The following KCNH7 variants were observed in gnomAD, a reference collection of about 807,000 sequenced individuals.
KCNH7 encodes the protein potassium voltage-gated channel subfamily H member 7, also known as voltage-gated inwardly rectifying potassium channel KCNH7.
Under a neutral mutation model 120.8 loss-of-function variants are expected in KCNH7, and 49 were observed. That is an observed-to-expected ratio of 0.41 (90% CI 0.32 to 0.51). KCNH7 has a LOEUF of 0.51. KCNH7 is among the 20% of genes least tolerant of loss of function. The pLI is 0.38. For synonymous variants in KCNH7, 547 were observed against 516.1 expected, an observed-to-expected ratio of 1.06 and a Z score of -0.81; for missense variants, 1,097 against 1,446.6, an observed-to-expected ratio of 0.76 and a Z score of 3.92.
chr2:162,430,871 A>G (rs1357420903), intron 8 of KCNH7, among the ~76,000 whole-genome samples: 1 of 151,732 alleles, frequency 6.6e-6, no homozygotes, highest in African/African-American at 2.4e-5. Context: ...TTAAATATAT[A>G]CATGTTATTT....
intron 4 of KCNH7, among the ~76,000 whole-genome samples, chr2:162,513,274 C>A (rs1350040566): frequency 7.0e-6 from 1 of 143,638 alleles, no homozygotes; most frequent in Non-Finnish European, 1.5e-5. Context: ...TCCTTCCCTC[C>A]TTCCCTCCTT....
chr2:162,667,620 T>G (rs1373150219), intron 2 of KCNH7, among the ~76,000 whole-genome samples: 1 of 152,178 alleles, frequency 6.6e-6, no homozygotes, highest in Non-Finnish European at 1.5e-5. Flanking sequence ...GGAATACCCT[T>G]CCCCTTTGAA....
At chr2:162,437,276 A>G (rs1228383431) in intron 7 of KCNH7, among the ~76,000 whole-genome samples, 1 of 152,054 alleles carries the variant, frequency 6.6e-6, no homozygotes, top group Non-Finnish European at 1.5e-5. Context: ...GTTGACATGT[A>G]TTTATCATAA....
intron 2 of KCNH7, among the ~76,000 whole-genome samples, chr2:162,570,085 T>C (rs953932473): frequency 2.0e-5 from 3 of 146,366 alleles, no homozygotes; most frequent in African/African-American, 7.7e-5. Flanking sequence ...TGGGTAACCT[T>C]GTTGACTTTC....
rs146550823 is a variant in KCNH7 at position 162,521,668 on chromosome 2, G to C, written c.464-3510C>G. On this transcript the variant is annotated intron_variant, in intron 3 of 15. Transcript: ENST00000332142. Reference sequence around the variant, plus strand: ...ATTTATGAAGTGCATGTGATATTTTGATGCAAGAATACATTGTGTAATGAT... The same window carrying C: ...ATTTATGAAGTGCATGTGATATTTTCATGCAAGAATACATTGTGTAATGAT... Among the ~76,000 whole-genome samples, 795 of 151,920 alleles carry C rather than the reference G, an allele frequency of 5.2e-3. 12 individuals carry two copies. Among genetic ancestry groups the C allele is most frequent in the African/African-American group, 0.018 (752 of 41,500 alleles).
chr2:162,735,027 G>C (rs542883036), intron 2 of KCNH7, among the ~76,000 whole-genome samples: 1 of 152,194 alleles, frequency 6.6e-6, no homozygotes, highest in South Asian at 2.1e-4. Flanking sequence ...CTTCCTCCCT[G>C]GGACACGACA....
intron 2 of KCNH7, among the ~76,000 whole-genome samples, chr2:162,546,292 T>C (rs1692474745): frequency 6.6e-6 from 1 of 152,198 alleles, no homozygotes; most frequent in South Asian, 2.1e-4. Context: ...TTTGGGCACA[T>C]TTGTGACAAT....
intron 8 of KCNH7, among the ~76,000 whole-genome samples, chr2:162,424,759 G>T (rs548622036): frequency 1.3e-5 from 2 of 152,218 alleles, no homozygotes; most frequent in South Asian, 4.1e-4. Context: ...GTCATGATTG[G>T]TTATCAAGAT....
intron 2 of KCNH7, among the ~76,000 whole-genome samples, chr2:162,573,636 G>A (rs752998298): frequency 5.9e-5 from 9 of 151,656 alleles, no homozygotes; most frequent in South Asian, 4.2e-4. Flanking sequence ...AAAGTATTTC[G>A]GCCACCTTTT....
intron 2 of KCNH7, among the ~76,000 whole-genome samples, chr2:162,578,544 G>C (rs1005747189): frequency 6.6e-6 from 1 of 151,992 alleles, no homozygotes; most frequent in Non-Finnish European, 1.5e-5. Flanking sequence ...GGGCAGATGA[G>C]GGTAGAGCAT....
intron 2 of KCNH7, among the ~76,000 whole-genome samples, chr2:162,751,152 T>C (rs1472365439): frequency 6.6e-6 from 1 of 152,192 alleles, no homozygotes; most frequent in Admixed American, 6.5e-5. Context: ...TCTTATCTCA[T>C]ATAACATTAT....
chr2:162,476,936 TAGTC>T (rs1689765741), intron 6 of KCNH7, among the ~76,000 whole-genome samples: 5 of 152,300 alleles, frequency 3.3e-5, no homozygotes, highest in Admixed American at 6.5e-5. Flanking sequence ...AAAAATGCAT[TAGTC>T]AGGAGCAGAA....
At chr2:162,756,507 C>T (rs1688794047) in intron 2 of KCNH7, among the ~76,000 whole-genome samples, 2 of 152,144 alleles carry the variant, frequency 1.3e-5, no homozygotes, top group South Asian at 2.1e-4. Flanking sequence ...CATTCTGTCA[C>T]CCAGGTTGCA....
chr2:162,459,993 C>T (rs564922529), intron 6 of KCNH7, among the ~76,000 whole-genome samples: 1 of 148,766 alleles, frequency 6.7e-6, no homozygotes, highest in East Asian at 2.0e-4. Flanking sequence ...ACTTGGAAGG[C>T]TGGGGCAGGA....
chr2:162,807,499 T>C (rs1389703062), intron 2 of KCNH7, among the ~76,000 whole-genome samples: 1 of 151,970 alleles, frequency 6.6e-6, no homozygotes, highest in African/African-American at 2.4e-5. Flanking sequence ...AGGGCTTAAT[T>C]TCAATAGGAA....
At chr2:162,508,512 A>G (rs1283240604) in intron 5 of KCNH7, among the ~76,000 whole-genome samples, 3 of 151,554 alleles carry the variant, frequency 2.0e-5, no homozygotes, top group Non-Finnish European at 4.4e-5. Context: ...CGGATTTTAA[A>G]GCAGATGTTT....
In KCNH7 at chr2:162,456,877, C is replaced by G. The variant is rs543833965; in HGVS notation, c.1129-10434G>C. 7.9e-5 allele frequency among the ~76,000 whole-genome samples: 12 copies of G among 151,922 alleles called. No homozygotes were observed. The East Asian group carries it at 1.7e-3, about 22-fold the overall frequency. Reference sequence around the variant, plus strand: ...CTTGTTAAATATTCCTCCATACTCTCTCTCTCTTTCCTTTTTTAATAAGAC... The same window carrying G: ...CTTGTTAAATATTCCTCCATACTCTGTCTCTCTTTCCTTTTTTAATAAGAC... On this transcript the variant is annotated intron_variant, in intron 6 of 15. Transcript: ENST00000332142.
At chr2:162,601,660 C>T (rs916067426) in intron 2 of KCNH7, among the ~76,000 whole-genome samples, 2 of 151,914 alleles carry the variant, frequency 1.3e-5, no homozygotes, top group Non-Finnish European at 2.9e-5. Context: ...ACGATGTACT[C>T]AGGCATAGCT....
At chr2:162,834,946 T>C (rs1346710029) in intron 2 of KCNH7, among the ~76,000 whole-genome samples, 5 of 152,096 alleles carry the variant, frequency 3.3e-5, no homozygotes, top group Non-Finnish European at 7.4e-5. Flanking sequence ...TACCACAATA[T>C]AGACTGTGTT....
Sources: allele counts gnomAD v4.1 joint callset (sites outside exome capture counted in the v4.1 genomes callset), GRCh38; gene constraint gnomAD v4.1.1; transcripts MANE v1.5; gene names NCBI Gene and HGNC (gene_info 2026-07-23, HGNC 2026-07-21).